PDE4C: variants seen among roughly 807,000 people sequenced by gnomAD.
The protein encoded by PDE4C is phosphodiesterase 4C, also known as 3',5'-cyclic-AMP phosphodiesterase 4C.
PDE4C carries 50 observed loss-of-function variants against 63.9 expected under a neutral mutation model. That is an observed-to-expected ratio of 0.78 (90% CI 0.62 to 0.99). The LOEUF (loss-of-function observed/expected upper bound fraction) is 0.99. Ranked by LOEUF, PDE4C falls within the 50% of genes least tolerant of loss-of-function variation. PDE4C has a pLI of 0.00. For missense variants in PDE4C, 777 were observed against 899.1 expected (o/e 0.86, Z 1.74); for synonymous variants, 377 against 385.1 (o/e 0.98, Z 0.25).
intron 1 of PDE4C, among the ~76,000 whole-genome samples, chr19:18,243,105 G>A (rs1487551905): frequency 1.3e-5 from 2 of 151,994 alleles, no homozygotes; most frequent in Non-Finnish European, 2.9e-5. Context: ...AAGGGTGACT[G>A]GTGACTTTTT....
intron 1 of PDE4C, among the ~76,000 whole-genome samples, chr19:18,239,525 G>A (rs942215790): frequency 7.2e-5 from 11 of 152,148 alleles, no homozygotes; most frequent in African/African-American, 2.7e-4. Context: ...TGGGACCCAC[G>A]TGCGCCAGAC....
chr19:18,233,471 C>A lies in PDE4C; in HGVS notation c.-280G>T, dbSNP rs746811802. 164 of 673,446 alleles carry A rather than the reference C, an allele frequency of 2.4e-4. No homozygotes were observed. The Admixed American group carries it at 2.8e-3, about 12-fold the overall frequency. 41.7% of individuals were successfully genotyped at this position (673,446 alleles called of 1,614,324 possible). ...AGCTAGGGGCTGAAGAGACCCCCCCCCAACACACCAGCCCCGAAAACCGTC... is the reference window on the plus strand; with the variant it reads ...AGCTAGGGGCTGAAGAGACCCCCCCACAACACACCAGCCCCGAAAACCGTC... On this transcript the variant is annotated 5_prime_UTR_variant, in exon 1 of 15. Coordinates refer to the PDE4C transcript ENST00000594465.
At chr19:18,251,681 C>CCCCCCCCCCCCCCCCCCCCCCCCCCCCCG (rs1443298373), upstream of PDE4C, among the ~76,000 whole-genome samples, 1 of 73,826 alleles carries the variant, frequency 1.4e-5, no homozygotes, top group African/African-American at 4.7e-5. Flanking sequence ...GATACACGCC[C>CCCCCCCCCCCCCCCCCCCCCCCCCCCCCG]CCCCCGCCCC....
At chr19:18,234,660 C>T (rs550849904), upstream of PDE4C, among the ~76,000 whole-genome samples, 9 of 152,168 alleles carry the variant, frequency 5.9e-5, no homozygotes, top group African/African-American at 2.2e-4. Flanking sequence ...CTTGCTGCAT[C>T]AGATTTGAGA....
rs956780233 is a variant in PDE4C, at chr19:18,222,795, GCTCAAGCCATCCTCCAGC to G, written c.147-490_147-473del. Among the ~76,000 whole-genome samples, 11 of 134,278 alleles carry G rather than the reference GCTCAAGCCATCCTCCAGC, an allele frequency of 8.2e-5. No individual in the cohort carries two copies. In the East Asian group the frequency reaches 2.2e-3, roughly 27 times the overall value. 88.1% of individuals were successfully genotyped at this position (134,278 alleles called of 152,430 possible). A position where few individuals can be genotyped will look rare whatever the true frequency, so the allele number is the denominator to read the frequency against. ...CCTCACTGCAGCCTCAATCTCCTAA[GCTCAAGCCATCCTCCAGC>G]CTCAGCCTCCTGAGTAGCTGAGACT... is the stretch of plus-strand genomic sequence containing the variant. On this transcript the variant is annotated intron_variant, in intron 1 of 14. Coordinates refer to ENST00000262805, the Ensembl canonical transcript of PDE4C.
chr19:18,235,973 G>C (rs995045127), upstream of PDE4C, among the ~76,000 whole-genome samples: 3 of 151,742 alleles, frequency 2.0e-5, no homozygotes, highest in Non-Finnish European at 4.4e-5. Context: ...TTTGTTTTTA[G>C]ATGGAGTCGC....
upstream of PDE4C, chr19:18,252,599 T>G (rs543645796): frequency 1.5e-4 from 60 of 387,784 alleles, no homozygotes; most frequent in Non-Finnish European, 2.4e-4. Context: ...ACCCTCTCTC[T>G]CTCTCTTTCT....
Position 18,220,177 on chromosome 19 carries a change from T to C in PDE4C, c.706+49A>G. On this transcript the variant is annotated intron_variant, in intron 7 of 14. Coordinates refer to ENST00000262805, the Ensembl canonical transcript of PDE4C. This position sits in a 1 kb window ranked among gnomAD's most constrained non-coding sequence, Gnocchi z 5.1. ...CTATCATAGGAATCTTTCTTTTGTT[T>C]CTTAGTACTCCTAAAATGTCGTCCA... 1.4e-6 allele frequency: 2 copies of C among 1,426,592 alleles called. No homozygotes were observed. Among genetic ancestry groups the C allele is most frequent in the Non-Finnish European group, 2.0e-6 (2 of 1,010,434 alleles). 88.4% of individuals were successfully genotyped at this position (1,426,592 alleles called of 1,614,324 possible).
intron 14 of PDE4C, 108 bp from the exon 15 acceptor site, chr19:18,211,384 G>A (rs940951833): frequency 1.4e-5 from 13 of 904,876 alleles, no homozygotes; most frequent in Middle Eastern, 3.3e-4. Context: ...CTGGAATGCC[G>A]CTTCCCAACA....
chr19:18,242,880 C>T (rs1345767750), intron 1 of PDE4C, among the ~76,000 whole-genome samples: 2 of 150,870 alleles, frequency 1.3e-5, no homozygotes, highest in African/African-American at 4.9e-5. Flanking sequence ...GGATTTGATT[C>T]TGGGAGAATG....
chr19:18,227,199 C>T (rs552480674), upstream of PDE4C, among the ~76,000 whole-genome samples: 2 of 152,148 alleles, frequency 1.3e-5, no homozygotes, highest in African/African-American at 4.8e-5. Context: ...AAACAGCGCA[C>T]CAGAAACTAC....
chr19:18,235,344 T>C (rs1968932641), upstream of PDE4C, among the ~76,000 whole-genome samples: 1 of 152,210 alleles, frequency 6.6e-6, no homozygotes. Flanking sequence ...CTAATTTTTG[T>C]ATTTTTAGTA....
At chr19:18,213,539 C>G in intron 12 of PDE4C, 49 bp from the exon 13 acceptor site, 1 of 1,574,850 alleles carries the variant, frequency 6.3e-7, no homozygotes, top group Non-Finnish European at 8.6e-7. Context: ...CTGCCCACCC[C>G]AACCCTCACT....
chr19:18,251,961 A>G, upstream of PDE4C: 1 of 397,724 alleles, frequency 2.5e-6, no homozygotes, highest in Non-Finnish European at 4.4e-6. Flanking sequence ...AGCCCTTCCT[A>G]GAGCATTCTC....
intron 1 of PDE4C, among the ~76,000 whole-genome samples, chr19:18,240,331 G>A (rs775749029): frequency 3.3e-5 from 5 of 150,800 alleles, no homozygotes; most frequent in Non-Finnish European, 7.4e-5. Context: ...AGGAGGCTGA[G>A]GCAGGAGGAT....
At chr19:18,249,622 G>T (rs1969203813), upstream of PDE4C, among the ~76,000 whole-genome samples, 9 of 146,556 alleles carry the variant, frequency 6.1e-5, no homozygotes, top group South Asian at 1.9e-3. Context: ...TGCCCAGGCT[G>T]GAGTACAATG....
intron 1 of PDE4C, among the ~76,000 whole-genome samples, chr19:18,246,556 C>T (rs1969138346): frequency 6.6e-6 from 1 of 152,068 alleles, no homozygotes; most frequent in South Asian, 2.1e-4. Flanking sequence ...TGCAGCTACG[C>T]CTGCCCTAGG....
intron 1 of PDE4C, among the ~76,000 whole-genome samples, chr19:18,247,970 T>A (rs1381202766): frequency 6.6e-6 from 1 of 152,070 alleles, no homozygotes; most frequent in African/African-American, 2.4e-5. Flanking sequence ...CCCACACCTG[T>A]CCAGGTTCAG....
chr19:18,220,228 AG>A lies in PDE4C; in HGVS notation c.703del (p.Leu235TrpfsTer12). The A allele has an allele frequency of 1.2e-6, 2 of 1,613,128 alleles. No homozygotes were observed. The highest frequency in any genetic ancestry group is 2.7e-5 in the African/African-American group (2 of 75,026). On this transcript the variant is annotated frameshift_variant, in exon 7 of 15. Coordinates refer to ENST00000262805, the Ensembl canonical transcript of PDE4C. LOFTEE classifies it high-confidence loss of function. This position sits in a 1 kb window ranked among gnomAD's most constrained non-coding sequence, Gnocchi z 5.1. ...GGCAGTGACTCAACAAAGCTCACCC[AG>A]GAAGGTCCGGGAGATGTACTCGGAC...
Sources: gnomAD v4.1 joint callset for allele counts (sites outside exome capture counted in the v4.1 genomes callset) on GRCh38, gnomAD v4.1.1 for gene constraint, Gnocchi (gnomAD v3.1) non-coding constraint, MANE v1.5 for transcripts, NCBI Gene and HGNC (gene_info 2026-07-23, HGNC 2026-07-21) for gene names.